The following LYZL4 variants were observed in gnomAD, a reference collection of about 807,000 sequenced individuals.
LYZL4 encodes the protein lysozyme-like protein 4.
LYZL4 carries 13 observed loss-of-function variants against 17.6 expected under a neutral mutation model. The observed-to-expected ratio is 0.74, with a 90% confidence interval of 0.48 to 1.18. The LOEUF is 1.18. LYZL4 is among the 50% of genes most tolerant of loss of function. The pLI is 0.00. For missense variants in LYZL4, 174 were observed against 188.2 expected (o/e 0.92, Z 0.44); for synonymous variants, 64 against 67.7 (o/e 0.95, Z 0.27).
At chr3:42,368,592 A>C in the LYZL4 span, among the ~76,000 whole-genome samples, 26,322 of 152,018 alleles carry the variant, frequency 0.17, 5,962 homozygotes, top group African/African-American at 0.52. Flanking sequence ...CCATTGTTGG[A>C]TAGATTTTTT....
At chr3:42,362,013 G>A in the LYZL4 span, among the ~76,000 whole-genome samples, 73 of 152,238 alleles carry the variant, frequency 4.8e-4, no homozygotes, top group African/African-American at 1.7e-3. Context: ...TTGGTGAGGT[G>A]TACATTAGGA....
At chr3:42,394,219 C>T (rs1327605860), downstream of LYZL4, among the ~76,000 whole-genome samples, 1 of 152,238 alleles carries the variant, frequency 6.6e-6, no homozygotes, top group Non-Finnish European at 1.5e-5. Context: ...TGGGCACCAA[C>T]ACGATGACCA....
intron 1 of LYZL4, among the ~76,000 whole-genome samples, chr3:42,408,870 A>G (rs1053709745): frequency 6.6e-6 from 1 of 152,188 alleles, no homozygotes; most frequent in African/African-American, 2.4e-5. Flanking sequence ...AGATGCTAGT[A>G]GCTCTGCCTC....
intron 4 of LYZL4, among the ~76,000 whole-genome samples, chr3:42,401,756 T>C (rs149535355): frequency 5.9e-5 from 9 of 152,106 alleles, no homozygotes; most frequent in Admixed American, 6.5e-5. Context: ...AAAAAAAAAC[T>C]TTAACAAACT....
chr3:42,398,331 C>G (rs961061193), intron 4 of LYZL4, among the ~76,000 whole-genome samples: 1 of 152,172 alleles, frequency 6.6e-6, no homozygotes, highest in African/African-American at 2.4e-5. Flanking sequence ...AATAAGAAGG[C>G]CTTGATCTGC....
chr3:42,379,820 G>C, the LYZL4 span, among the ~76,000 whole-genome samples: 1 of 152,162 alleles, frequency 6.6e-6, no homozygotes, highest in South Asian at 2.1e-4. Flanking sequence ...CAATGTGATG[G>C]TATTTGGAAG....
the LYZL4 span, among the ~76,000 whole-genome samples, chr3:42,372,677 C>T: frequency 6.6e-6 from 1 of 152,196 alleles, no homozygotes; most frequent in Non-Finnish European, 1.5e-5. Context: ...GTGGTCATGG[C>T]TGCTGGGGAG....
intron 4 of LYZL4, among the ~76,000 whole-genome samples, chr3:42,398,833 A>G (rs1698603160): frequency 1.3e-5 from 2 of 152,226 alleles, no homozygotes; most frequent in Non-Finnish European, 2.9e-5. Context: ...CCACAAAAGA[A>G]AAAAACCAAG....
the LYZL4 span, among the ~76,000 whole-genome samples, chr3:42,362,833 G>A: frequency 7.2e-5 from 11 of 152,204 alleles, no homozygotes; most frequent in Non-Finnish European, 1.3e-4. Context: ...TTACAAAGGG[G>A]AAATGTGCCT....
the LYZL4 span, among the ~76,000 whole-genome samples, chr3:42,379,928 A>C: frequency 2.0e-5 from 3 of 152,040 alleles, no homozygotes; most frequent in African/African-American, 4.8e-5. Context: ...GAAACACAGG[A>C]TCTCTCTCTC....
chr3:42,363,230 AT>A, the LYZL4 span, among the ~76,000 whole-genome samples: 1 of 152,188 alleles, frequency 6.6e-6, no homozygotes, highest in Non-Finnish European at 1.5e-5. Flanking sequence ...AACTTCACTT[AT>A]TTATTTTAAA....
chr3:42,397,209 A>T lies in LYZL4; in HGVS notation c.*56T>A, dbSNP rs1698563013. 8.2e-7 allele frequency: 1 copy of T among 1,218,228 alleles called. No individual in the cohort carries two copies. Among genetic ancestry groups the T allele is most frequent in the South Asian group, 1.3e-5 (1 of 75,342 alleles). 75.5% of individuals were successfully genotyped at this position (1,218,228 alleles called of 1,614,324 possible). ...GGATTGACTGAAGCAGCAAGCAGAA[A>T]AGCACCTTCATTCACAAGATGCAAC... On this transcript the variant is annotated 3_prime_UTR_variant, in exon 5 of 5. Transcript: ENST00000287748.
chr3:42,397,595 A>AT (rs1164815799), intron 4 of LYZL4, among the ~76,000 whole-genome samples: 3 of 152,132 alleles, frequency 2.0e-5, no homozygotes, highest in Non-Finnish European at 2.9e-5. Flanking sequence ...ACATGGTGAG[A>AT]TGAGGAGGCT....
At chr3:42,407,411 T>A in intron 1 of LYZL4, 68 bp from the exon 2 acceptor site, 3 of 860,638 alleles carry the variant, frequency 3.5e-6, no homozygotes, top group Non-Finnish European at 1.8e-6. Flanking sequence ...TGGTAAGCCA[T>A]GACACTTCTT....
At chr3:42,396,599 A>T (rs902037622), downstream of LYZL4, among the ~76,000 whole-genome samples, 2 of 152,270 alleles carry the variant, frequency 1.3e-5, no homozygotes, top group Non-Finnish European at 2.9e-5. Context: ...TACAGAAAAA[A>T]GATCAGCAGG....
At chr3:42,409,506 C>T (rs1474962410) in intron 1 of LYZL4, among the ~76,000 whole-genome samples, 1 of 152,190 alleles carries the variant, frequency 6.6e-6, no homozygotes, top group Non-Finnish European at 1.5e-5. Flanking sequence ...CATCTCAACT[C>T]GTAGAAGGCA....
chr3:42,386,759 T>C, the LYZL4 span, among the ~76,000 whole-genome samples: 1 of 152,208 alleles, frequency 6.6e-6, no homozygotes, highest in East Asian at 1.9e-4. Flanking sequence ...TTGGCTCAGA[T>C]TTTTTTGGTT....
the LYZL4 span, among the ~76,000 whole-genome samples, chr3:42,370,866 T>C: frequency 2.6e-5 from 4 of 152,240 alleles, no homozygotes; most frequent in African/African-American, 4.8e-5. Flanking sequence ...GAATTGACTA[T>C]GCCTCCATCT....
chr3:42,375,042 C>T, the LYZL4 span, among the ~76,000 whole-genome samples: 1 of 152,108 alleles, frequency 6.6e-6, no homozygotes, highest in Non-Finnish European at 1.5e-5. Context: ...AACTCCTGGG[C>T]TCAAGCAATT....
Sources: allele counts gnomAD v4.1 joint callset (sites outside exome capture counted in the v4.1 genomes callset), GRCh38; gene constraint gnomAD v4.1.1; transcripts MANE v1.5; gene names NCBI Gene and HGNC (gene_info 2026-07-23, HGNC 2026-07-21).